CCDC92B: variants seen among roughly 807,000 people sequenced by gnomAD.
CCDC92B encodes coiled-coil domain-containing 92B.
In CCDC92B, 2 loss-of-function variants were observed where a neutral mutation model predicts 5.6. That is an observed-to-expected ratio of 0.36 (90% confidence interval 0.15 to 1.12). CCDC92B has a LOEUF of 1.12. CCDC92B is among the 50% of genes most tolerant of loss of function. CCDC92B has a pLI of 0.40. For synonymous variants in CCDC92B, 115 were observed against 122.3 expected, an observed-to-expected ratio of 0.94 and a Z score of 0.39; for missense variants, 271 against 262.2, an observed-to-expected ratio of 1.03 and a Z score of -0.23.
intron 2 of CCDC92B, among the ~76,000 whole-genome samples, chr17:2,734,378 C>T (rs949054119): frequency 2.0e-4 from 30 of 152,080 alleles, no homozygotes; most frequent in African/African-American, 6.0e-4. Flanking sequence ...CACCAGTTGG[C>T]CTGTGTGTCT....
rs1278403419 is a variant in CCDC92B at position 2,723,105 on chromosome 17, C to G, written c.*1306G>C. 3 of 153,268 alleles carry G rather than the reference C, an allele frequency of 2.0e-5. No homozygotes were observed. The highest frequency in any genetic ancestry group is 7.2e-5 in the African/African-American group (3 of 41,488). The allele number at this position is 153,268 out of a possible 1,614,324, so 9.5% of individuals were successfully genotyped here. A position where few individuals can be genotyped will look rare whatever the true frequency, so the allele number is the denominator to read the frequency against. On this transcript the variant is annotated 3_prime_UTR_variant, in exon 4 of 4. Coordinates refer to ENST00000614400, the MANE Select transcript of CCDC92B (RefSeq NM_001355573.2). ...TCCGTGGAGGGGGCCAGGATGGGGA[C>G]TAACCTGTGCTCCCACCATCCCCCC...
chr17:2,727,424 A>G (rs933039369), intron 3 of CCDC92B, among the ~76,000 whole-genome samples: 1 of 152,242 alleles, frequency 6.6e-6, no homozygotes, highest in Non-Finnish European at 1.5e-5. Context: ...TGGAAGCTCC[A>G]TCTCGGCAGG....
chr17:2,727,450 T>G (rs77982869), intron 3 of CCDC92B, among the ~76,000 whole-genome samples: 11,729 of 152,218 alleles, frequency 0.077, 663 homozygotes, highest in African/African-American at 0.15. Context: ...ATCCTAGGAC[T>G]TGGCACAGGT....
At chr17:2,731,932 C>G (rs2070798692) in intron 2 of CCDC92B, among the ~76,000 whole-genome samples, 1 of 152,226 alleles carries the variant, frequency 6.6e-6, no homozygotes, top group African/African-American at 2.4e-5. Context: ...AAAATCTCAG[C>G]TGGGCTATAG....
At chr17:2,747,227 G>A (rs2070997428) in intron 1 of CCDC92B, among the ~76,000 whole-genome samples, 1 of 152,046 alleles carries the variant, frequency 6.6e-6, no homozygotes, top group South Asian at 2.1e-4. Flanking sequence ...GCTTTTCCTA[G>A]TGTTTCTTTT....
intron 3 of CCDC92B, among the ~76,000 whole-genome samples, chr17:2,728,499 G>A (rs1378762760): frequency 6.6e-6 from 1 of 152,122 alleles, no homozygotes; most frequent in Admixed American, 6.6e-5. Context: ...CCAGCTACAC[G>A]GGAGACTGAG....
In CCDC92B at chr17:2,736,399, C is replaced by T. The variant is rs749769968; in HGVS notation, c.-23-1231G>A. Among the ~76,000 whole-genome samples the T allele has an allele frequency of 7.0e-4, 106 of 151,990 alleles. 1 individual carries two copies. Among genetic ancestry groups the T allele is most frequent in the Admixed American group, 5.9e-4 (9 of 15,228 alleles). On this transcript the variant is annotated intron_variant, in intron 1 of 3. Transcript: ENST00000614400. Reference sequence around the variant, plus strand: ...CTGAGACCATGCCACTGCACCCCAGCCTGGGCGACAGGGTGAGACTCTGTC... The same window carrying T: ...CTGAGACCATGCCACTGCACCCCAGTCTGGGCGACAGGGTGAGACTCTGTC...
chr17:2,746,355 C>T (rs1319860145), intron 1 of CCDC92B, among the ~76,000 whole-genome samples: 1 of 152,108 alleles, frequency 6.6e-6, no homozygotes, highest in Non-Finnish European at 1.5e-5. Flanking sequence ...TTAAAAAGAC[C>T]CTAACACAAG....
intron 3 of CCDC92B, among the ~76,000 whole-genome samples, chr17:2,728,010 T>TA (rs2070753087): frequency 6.6e-6 from 1 of 151,444 alleles, no homozygotes; most frequent in South Asian, 2.1e-4. Context: ...ATCCTGTCTC[T>TA]AAAAAAAGAA....
At chr17:2,748,065 G>A (rs762556683) in intron 1 of CCDC92B, 1 of 521,524 alleles carries the variant, frequency 1.9e-6, no homozygotes. Flanking sequence ...CTGGGTGCTC[G>A]TCCTGGCGTT....
At chr17:2,728,670 G>A (rs1343295909) in intron 3 of CCDC92B, among the ~76,000 whole-genome samples, 4 of 152,144 alleles carry the variant, frequency 2.6e-5, no homozygotes, top group Non-Finnish European at 4.4e-5. Context: ...GGGCCCAGGT[G>A]ATCTCAAAAG....
intron 1 of CCDC92B, among the ~76,000 whole-genome samples, chr17:2,746,713 C>T (rs145052905): frequency 0.14 from 21,202 of 152,156 alleles, 1,925 homozygotes; most frequent in East Asian, 0.28. Context: ...CTCTGTCGCC[C>T]AGGCTGGAGT....
intron 3 of CCDC92B, among the ~76,000 whole-genome samples, chr17:2,726,060 A>G (rs944526107): frequency 1.4e-5 from 2 of 143,316 alleles, no homozygotes; most frequent in Non-Finnish European, 1.5e-5. Flanking sequence ...AAGTGGTGCA[A>G]TCTCGGCTCA....
At chr17:2,737,478 T>C (rs894310369) in intron 1 of CCDC92B, among the ~76,000 whole-genome samples, 10 of 130,486 alleles carry the variant, frequency 7.7e-5, no homozygotes, top group South Asian at 5.4e-4. Context: ...TTTTTTTTTT[T>C]TTTTTTTTTT....
rs1316130975 is a variant in CCDC92B at position 2,724,439 on chromosome 17, T to C, written c.740A>G (p.Gln247Arg). The change falls in exon 4 of 4, where the codon CAG becomes CGG. Residue 247 changes from glutamine to arginine, a missense_variant. Coordinates refer to ENST00000614400, the MANE Select transcript of CCDC92B (RefSeq NM_001355573.2). The surrounding 1 kb of genome is among the most constrained non-coding windows in gnomAD (Gnocchi z 5.0). ...DRAGPQPAPSQPSAPGDPE is the reference protein window; with the variant it reads ...DRAGPQPAPSRPSAPGDPE ...CTCCGGGTCCCCGGGCGCGCTGGGC[T>C]GGCTGGGCGCGGGCTGCGGGCCGGC... 1.0e-6 allele frequency: 1 copy of C among 983,568 alleles called. No homozygotes were observed. The highest frequency in any genetic ancestry group is 1.2e-6 in the Non-Finnish European group (1 of 829,456). 60.9% of individuals were successfully genotyped at this position (983,568 alleles called of 1,614,324 possible).
At chr17:2,745,066 CAAA>C (rs60179555) in intron 1 of CCDC92B, among the ~76,000 whole-genome samples, 1,513 of 79,336 alleles carry the variant, frequency 0.019, 23 homozygotes, top group East Asian at 0.091. Context: ...GACCCTGTCT[CAAA>C]AAAAAAAAAA....
chr17:2,729,264 G>C (rs1009090254), intron 3 of CCDC92B, among the ~76,000 whole-genome samples: 1 of 152,148 alleles, frequency 6.6e-6, no homozygotes, highest in Non-Finnish European at 1.5e-5. Flanking sequence ...GCTGAGGCGG[G>C]TGGATCACCT....
chr17:2,724,454 T>C lies in CCDC92B; in HGVS notation c.725A>G (p.Gln242Arg). Reference protein sequence around the residue: ...PQEPPDRAGPQPAPSQPSAPG... With the variant: ...PQEPPDRAGPRPAPSQPSAPG... ...CGCGCTGGGCTGGCTGGGCGCGGGCTGCGGGCCGGCTCGGTCCGGGGGCTC... is the reference window on the plus strand; with the variant it reads ...CGCGCTGGGCTGGCTGGGCGCGGGCCGCGGGCCGGCTCGGTCCGGGGGCTC... Residue 242 changes from glutamine (Q) to arginine (R), a missense_variant, in exon 4 of 4, where the codon CAG (glutamine) becomes CGG (arginine). Gln to Arg is a conservative substitution (Grantham distance 43, BLOSUM62 1). Transcript: ENST00000614400. This position sits in a 1 kb window ranked among gnomAD's most constrained non-coding sequence, Gnocchi z 5.0. The C allele has an allele frequency of 1.0e-6, 1 of 983,008 alleles. No individual in the cohort carries two copies. The highest frequency in any genetic ancestry group is 6.2e-5 in the Admixed American group (1 of 16,098). The allele number at this position is 983,008 out of a possible 1,614,324, so 60.9% of individuals were successfully genotyped here. A position where few individuals can be genotyped will look rare whatever the true frequency, so the allele number is the denominator to read the frequency against.
At chr17:2,736,914 A>AATAC (rs200830365) in intron 1 of CCDC92B, among the ~76,000 whole-genome samples, 2,004 of 148,368 alleles carry the variant, frequency 0.014, 21 homozygotes, top group Non-Finnish European at 0.022. Flanking sequence ...AAATAAATAA[A>AATAC]ATACATACAT....
Sources: allele counts gnomAD v4.1 joint callset (sites outside exome capture counted in the v4.1 genomes callset), GRCh38; gene constraint gnomAD v4.1.1; non-coding constraint Gnocchi (gnomAD v3.1); transcripts MANE v1.5; gene names NCBI Gene and HGNC (gene_info 2026-07-23, HGNC 2026-07-21).